The following NEB variants were observed in gnomAD, a reference collection of about 807,000 sequenced individuals.
The protein encoded by NEB is nebulin.
A neutral mutation model predicts 952.2 loss-of-function variants in NEB; 512 were observed. The ratio of observed to expected loss-of-function variants is 0.54; its 90% CI spans 0.50 to 0.58. The LOEUF (loss-of-function observed/expected upper bound fraction) is 0.58, where lower values mean the gene tolerates loss of function less well. Ranked by LOEUF, NEB falls within the 20% of genes least tolerant of loss-of-function variation. NEB has a pLI of 0.00. For missense variants in NEB, 8,428 were observed against 9,231.1 expected (o/e 0.91, Z 3.56); for synonymous variants, 2,900 against 3,149.8 (o/e 0.92, Z 2.66).
rs1057523427 is a variant in NEB at position 151,625,566 on chromosome 2, A to G, written c.10420T>C (p.Leu3474=). ...TAATTTATTTTATTTTGTCTTGCCA[A>G]CATGATTTCAGGTGTATCAGGCATA... The part of the protein sequence containing the change: ...HIMPDTPEIM[L]ARQNKINYSE... The change falls in exon 71 of 182, where the codon TTG becomes CTG. Residue 3474 remains leucine (L), a synonymous_variant. Transcript: ENST00000397345. The G allele has an allele frequency of 1.9e-6, 3 of 1,605,578 alleles. No individual in the cohort carries two copies. In the Admixed American group the frequency reaches 5.0e-5, roughly 27 times the overall value.
intron 105 of NEB, among the ~76,000 whole-genome samples, chr2:151,576,619 C>A (rs2096874151): frequency 7.0e-6 from 1 of 143,816 alleles, no homozygotes; most frequent in Non-Finnish European, 1.5e-5. Flanking sequence ...ACAAACTCCC[C>A]TTTCCAAGTT....
chr2:151,674,548 T>C lies in NEB; in HGVS notation c.3916A>G (p.Lys1306Glu), dbSNP rs1196685269. ...YKRDWYDLIA[K>E]GNNVLGDAIP... ...GCATCGCCCAGCACATTGTTGCCCTTGGCTATTAAGTCATACCAATCCCGT... is the reference window on the plus strand; with the variant it reads ...GCATCGCCCAGCACATTGTTGCCCTCGGCTATTAAGTCATACCAATCCCGT... The change falls in exon 36 of 182, where the codon AAG becomes GAG. Residue 1306 changes from lysine (K) to glutamate (E), a missense_variant. Coordinates refer to ENST00000397345, the MANE Select transcript of NEB (RefSeq NM_001164508.2). 1.9e-6 allele frequency: 3 copies of C among 1,613,808 alleles called. No homozygotes were observed. Among genetic ancestry groups the C allele is most frequent in the Non-Finnish European group, 2.5e-6 (3 of 1,179,850 alleles).
At chr2:151,709,855 C>G in intron 11 of NEB, 92 bp from the exon 12 acceptor site, 1 of 889,818 alleles carries the variant, frequency 1.1e-6, no homozygotes, top group Non-Finnish European at 1.8e-6. Context: ...AAAAGTTACA[C>G]AATGCCACCC....
chr2:151,671,964 T>C (rs2099303857), intron 37 of NEB, among the ~76,000 whole-genome samples: 2 of 147,772 alleles, frequency 1.4e-5, no homozygotes, highest in Non-Finnish European at 3.0e-5. Flanking sequence ...ATGGATGACA[T>C]TGTGACCTTG....
intron 163 of NEB, 85 bp downstream of exon 163, chr2:151,506,824 G>T (rs937382841): frequency 4.6e-6 from 4 of 870,544 alleles, no homozygotes; most frequent in East Asian, 2.5e-5. Flanking sequence ...TTAATTGTGT[G>T]TATCAATATA....
chr2:151,619,000 C>T (rs2098305034), intron 73 of NEB, among the ~76,000 whole-genome samples: 1 of 152,140 alleles, frequency 6.6e-6, no homozygotes, highest in South Asian at 2.1e-4. Context: ...TATTAGACGA[C>T]TGGTTTCGAA....
chr2:151,694,656 T>G, intron 18 of NEB, 27 bp from the exon 19 acceptor site: 2 of 1,543,602 alleles, frequency 1.3e-6, no homozygotes, highest in Non-Finnish European at 1.8e-6. Flanking sequence ...AGCAAAGGAA[T>G]TGGCAAAAGT....
intron 124 of NEB, among the ~76,000 whole-genome samples, chr2:151,556,292 C>T (rs56224718): frequency 0.3 from 44,876 of 152,022 alleles, 6,951 homozygotes; most frequent in Admixed American, 0.39. Flanking sequence ...TGGAAATTAT[C>T]AGAGTGCACT....
At chr2:151,618,629 CT>C (rs1197276719) in intron 73 of NEB, among the ~76,000 whole-genome samples, 151 bp from the exon 74 acceptor site, 13 of 152,234 alleles carry the variant, frequency 8.5e-5, no homozygotes, top group Non-Finnish European at 1.6e-4. Flanking sequence ...TTATTGAATC[CT>C]AAGTGTATTT....
chr2:151,487,202 A>G, intron 181 of NEB, among the ~76,000 whole-genome samples: 1 of 152,094 alleles, frequency 6.6e-6, no homozygotes, highest in East Asian at 1.9e-4. Flanking sequence ...GTCATCTTTC[A>G]CTCTGGGAAT....
At position 151,640,065 on chromosome 2, in the gene NEB, T is replaced by C; in HGVS notation, c.8686-5A>G. 6.2e-7 allele frequency: 1 copy of C among 1,609,078 alleles called. No individual in the cohort carries two copies. Among genetic ancestry groups the C allele is most frequent in the Non-Finnish European group, 8.5e-7 (1 of 1,175,548 alleles). On this transcript the variant is annotated splice_polypyrimidine_tract_variant and splice_region_variant and intron_variant, in intron 61 of 181. Transcript: ENST00000397345. ...GAGATCAGACTTGTACATATTCTGT[T>C]GACACAAATAGCCAATAAATATTTA...
chr2:151,649,069 A>G (rs1375532284), intron 54 of NEB, among the ~76,000 whole-genome samples: 1 of 152,194 alleles, frequency 6.6e-6, no homozygotes, highest in African/African-American at 2.4e-5. Flanking sequence ...TATTAAGTTC[A>G]GATCTTTTTA....
chr2:151,492,689 T>C (rs914564916), intron 176 of NEB, 195 bp from the exon 177 acceptor site: 1 of 396,900 alleles, frequency 2.5e-6, no homozygotes, highest in African/African-American at 2.1e-5. Flanking sequence ...GAGAAAGGAC[T>C]TGTTTTGACT....
At chr2:151,707,389 C>G (rs1180505475) in intron 12 of NEB, among the ~76,000 whole-genome samples, 1 of 152,152 alleles carries the variant, frequency 6.6e-6, no homozygotes, top group Non-Finnish European at 1.5e-5. Context: ...TCACTCAGCT[C>G]TCAACCCCCA....
intron 55 of NEB, among the ~76,000 whole-genome samples, chr2:151,645,908 G>A (rs896579672): frequency 1.3e-5 from 2 of 152,078 alleles, no homozygotes; most frequent in African/African-American, 4.8e-5. Context: ...GTATAACAAC[G>A]GACTGCAAGG....
At chr2:151,683,991 C>T (rs1235471329) in intron 28 of NEB, among the ~76,000 whole-genome samples, 1 of 152,054 alleles carries the variant, frequency 6.6e-6, no homozygotes, top group East Asian at 1.9e-4. Context: ...TATGACTTTA[C>T]ATATATGAGG....
chr2:151,529,340 A>T (rs1211110657), intron 145 of NEB, 26 bp from the exon 146 acceptor site: 1 of 1,477,002 alleles, frequency 6.8e-7, no homozygotes, highest in Non-Finnish European at 9.5e-7. Context: ...CAGTGACAAG[A>T]TTAATTTTTT....
intron 77 of NEB, among the ~76,000 whole-genome samples, chr2:151,613,439 G>C (rs576631368): frequency 2.0e-4 from 31 of 152,250 alleles, no homozygotes; most frequent in African/African-American, 7.2e-4. Context: ...AACTTGGATA[G>C]AAAAAATATG....
chr2:151,499,495 A>G lies in NEB; in HGVS notation c.24022-105T>C, dbSNP rs3213814. 229 of 666,964 alleles carry G rather than the reference A, an allele frequency of 3.4e-4. 2 individuals are homozygous for G. The East Asian group carries it at 6.6e-3, about 19-fold the overall frequency. The allele number at this position is 666,964 out of a possible 1,614,324, so 41.3% of individuals were successfully genotyped here. A position where few individuals can be genotyped will look rare whatever the true frequency, so the allele number is the denominator to read the frequency against. On this transcript the variant is annotated intron_variant, in intron 168 of 181. Coordinates refer to ENST00000397345, the MANE Select transcript of NEB (RefSeq NM_001164508.2). Reference sequence around the variant, plus strand: ...ATAAAACTACAGACGTCAGACAGAAAAGACAGATTCAACAAGTCAACCTCT... The same window carrying G: ...ATAAAACTACAGACGTCAGACAGAAGAGACAGATTCAACAAGTCAACCTCT...
Sources: gnomAD v4.1 joint callset for allele counts (sites outside exome capture counted in the v4.1 genomes callset) on GRCh38, gnomAD v4.1.1 for gene constraint, MANE v1.5 for transcripts, NCBI Gene and HGNC (gene_info 2026-07-23, HGNC 2026-07-21) for gene names.